ZNF423: variants seen among roughly 807,000 people sequenced by gnomAD.
ZNF423 encodes the protein Ebf-associated zinc finger protein.
ZNF423 carries 12 observed loss-of-function variants against 95.8 expected under a neutral mutation model. That is an observed-to-expected ratio of 0.13 (90% confidence interval 0.08 to 0.20). ZNF423 has a LOEUF of 0.20. Ranked by LOEUF, ZNF423 falls within the 10% of genes least tolerant of loss-of-function variation. ZNF423 has a pLI of 1.00. For synonymous variants in ZNF423, 749 were observed against 711.9 expected (o/e 1.05, Z -0.83); for missense variants, 1,316 against 1,737.1 (o/e 0.76, Z 4.31).
chr16:49,711,062 T>G (rs2032528291), intron 3 of ZNF423, among the ~76,000 whole-genome samples: 1 of 149,906 alleles, frequency 6.7e-6, no homozygotes. Context: ...TGGAACGGGG[T>G]GAGATGGGAT....
intron 3 of ZNF423, among the ~76,000 whole-genome samples, chr16:49,640,195 C>T (rs1199720759): frequency 2.0e-5 from 3 of 152,110 alleles, no homozygotes; most frequent in African/African-American, 7.2e-5. Flanking sequence ...TAACCTTGGC[C>T]CAGAGGCAGC....
At chr16:49,605,560 A>G (rs1971510932) in intron 5 of ZNF423, among the ~76,000 whole-genome samples, 1 of 152,082 alleles carries the variant, frequency 6.6e-6, no homozygotes, top group African/African-American at 2.4e-5. Flanking sequence ...ACCTCCTTCC[A>G]TTCCCCAGAA....
chr16:49,626,977 T>TCTAC, intron 4 of ZNF423, among the ~76,000 whole-genome samples: 2 of 78,544 alleles, frequency 2.5e-5, no homozygotes, highest in Non-Finnish European at 4.4e-5. Flanking sequence ...CATCCATCCA[T>TCTAC]ATACCCATCC....
At chr16:49,576,356 C>G (rs1970501599) in intron 5 of ZNF423, among the ~76,000 whole-genome samples, 2 of 152,174 alleles carry the variant, frequency 1.3e-5, no homozygotes, top group African/African-American at 4.8e-5. Context: ...GGGGCAGGGG[C>G]AGAGGCAGGG....
chr16:49,720,899 T>G (rs1184381482), intron 3 of ZNF423, among the ~76,000 whole-genome samples: 2 of 152,234 alleles, frequency 1.3e-5, no homozygotes, highest in African/African-American at 2.4e-5. Flanking sequence ...ATGTATGTTG[T>G]CTCCCTGGCC....
intron 3 of ZNF423, among the ~76,000 whole-genome samples, chr16:49,681,632 C>T (rs957551390): frequency 3.3e-5 from 5 of 152,270 alleles, no homozygotes; most frequent in Non-Finnish European, 7.3e-5. Context: ...GGCTCCCAGG[C>T]CTGGCCTGCC....
chr16:49,747,963 A>G (rs988850870), intron 2 of ZNF423, among the ~76,000 whole-genome samples: 2 of 152,216 alleles, frequency 1.3e-5, no homozygotes, highest in African/African-American at 4.8e-5. Context: ...AATGGTACTG[A>G]GGTGCACAGT....
chr16:49,716,647 C>T (rs950231816), intron 3 of ZNF423, among the ~76,000 whole-genome samples: 2 of 152,130 alleles, frequency 1.3e-5, no homozygotes, highest in East Asian at 1.9e-4. Context: ...TATTTTAGAC[C>T]AGTGCCAGAG....
chr16:49,702,353 C>T (rs919624750), intron 3 of ZNF423, among the ~76,000 whole-genome samples: 12 of 152,324 alleles, frequency 7.9e-5, no homozygotes, highest in Admixed American at 5.2e-4. Flanking sequence ...AAATCAGCAG[C>T]GAGCCTCGCA....
At chr16:49,709,168 T>TTTTATATATATATATATATATATATATA (rs68002485) in intron 3 of ZNF423, among the ~76,000 whole-genome samples, 3 of 93,450 alleles carry the variant, frequency 3.2e-5, no homozygotes, top group African/African-American at 9.8e-5. Context: ...CAGCAGCCGT[T>TTTTATATATATATATATATATATATATA]TATATATATA....
chr16:49,521,242 T>A (rs1397761946), intron 7 of ZNF423, among the ~76,000 whole-genome samples: 1 of 152,226 alleles, frequency 6.6e-6, no homozygotes, highest in Non-Finnish European at 1.5e-5. Context: ...TCTTGGCATT[T>A]GGGACAATGC....
At chr16:49,512,073 A>C (rs1335592351) in intron 7 of ZNF423, among the ~76,000 whole-genome samples, 1 of 152,182 alleles carries the variant, frequency 6.6e-6, no homozygotes, top group African/African-American at 2.4e-5. Context: ...ACATTATATT[A>C]TATTCCACAA....
At chr16:49,503,234 G>A (rs550672504) in intron 7 of ZNF423, among the ~76,000 whole-genome samples, 1 of 152,262 alleles carries the variant, frequency 6.6e-6, no homozygotes, top group Admixed American at 6.5e-5. Context: ...CAGGACGCAA[G>A]GGCCCCTTGA....
intron 5 of ZNF423, among the ~76,000 whole-genome samples, chr16:49,546,012 G>A (rs1969426140): frequency 6.6e-6 from 1 of 152,196 alleles, no homozygotes; most frequent in Non-Finnish European, 1.5e-5. Context: ...GTAGCATAAG[G>A]ATAGAGGCAA....
chr16:49,817,199 A>G (rs4633718), intron 1 of ZNF423, among the ~76,000 whole-genome samples: 110,041 of 152,122 alleles, frequency 0.72, 39,924 homozygotes, highest in Middle Eastern at 0.77. Context: ...CTGACGTCCT[A>G]GAGGGAGGGC....
intron 3 of ZNF423, among the ~76,000 whole-genome samples, chr16:49,690,381 A>G (rs2031732102): frequency 6.6e-6 from 1 of 152,178 alleles, no homozygotes; most frequent in Non-Finnish European, 1.5e-5. Context: ...ATAAAAAGCC[A>G]AACATAGTAG....
intron 1 of ZNF423, among the ~76,000 whole-genome samples, chr16:49,816,770 C>T (rs753736219): frequency 5.9e-5 from 9 of 151,904 alleles, no homozygotes; most frequent in South Asian, 2.1e-4. Flanking sequence ...GGTGACAGAG[C>T]GAGACCCTGT....
chr16:49,852,749 A>G (rs1053445616), intron 1 of ZNF423, among the ~76,000 whole-genome samples: 2 of 152,088 alleles, frequency 1.3e-5, no homozygotes, highest in Admixed American at 1.3e-4. Context: ...AAAACCAATG[A>G]GGCTATTCTC....
intron 1 of ZNF423, among the ~76,000 whole-genome samples, chr16:49,837,513 A>G (rs1199412286): frequency 1.3e-5 from 2 of 152,190 alleles, no homozygotes; most frequent in African/African-American, 4.8e-5. Context: ...AGAAAGAACC[A>G]TGCACCATGC....
Sources: allele counts gnomAD v4.1 joint callset (sites outside exome capture counted in the v4.1 genomes callset), GRCh38; gene constraint gnomAD v4.1.1; transcripts MANE v1.5; gene names NCBI Gene and HGNC (gene_info 2026-07-23, HGNC 2026-07-21).